Variants in CCDC93 observed in about 807,000 individuals in gnomAD.
CCDC93 encodes coiled-coil domain-containing protein 93.
A neutral mutation model predicts 108.2 loss-of-function variants in CCDC93; 61 were observed. That is an observed-to-expected ratio of 0.56 (90% CI 0.46 to 0.70). The LOEUF is 0.70. Among genes scored for constraint, CCDC93 ranks in the 30% least tolerant of loss-of-function variants. The pLI, the probability that CCDC93 is intolerant of heterozygous loss-of-function variation, is 0.00. For missense variants in CCDC93, 685 were observed against 764.2 expected, an observed-to-expected ratio of 0.90 and a Z score of 1.22; for synonymous variants, 276 against 260.4, an observed-to-expected ratio of 1.06 and a Z score of -0.58.
intron 12 of CCDC93, 115 bp downstream of exon 12, chr2:117,958,250 C>G: frequency 1.5e-6 from 1 of 670,050 alleles, no homozygotes; most frequent in Non-Finnish European, 2.7e-6. Flanking sequence ...TTTACAAAAA[C>G]AAGTGGCAAC....
intron 4 of CCDC93, chr2:117,999,063 T>C (rs1283313795): frequency 6.6e-6 from 1 of 152,212 alleles, no homozygotes; most frequent in African/African-American, 2.4e-5. Flanking sequence ...TTCAACTAAG[T>C]GCTTTAGACA....
rs747842248 is a variant in CCDC93 at position 117,981,061 on chromosome 2, T to C, written c.621-3031A>G. Among the ~76,000 whole-genome samples the C allele has an allele frequency of 1.4e-4, 21 of 152,330 alleles. No individual in the cohort carries two copies. In the Middle Eastern group the frequency reaches 0.021, roughly 149 times the overall value. On this transcript the variant is annotated intron_variant, in intron 7 of 23. Transcript: ENST00000376300. ...CATTTTATGGCTGAATAATATCCCA[T>C]TATATGAGTAAGCCACATTTTGTTT...
intron 15 of CCDC93, among the ~76,000 whole-genome samples, chr2:117,947,853 C>T (rs892911593): frequency 6.6e-6 from 1 of 152,110 alleles, no homozygotes; most frequent in Non-Finnish European, 1.5e-5. Context: ...GCCACCACGC[C>T]CAGCTAATTT....
chr2:118,011,802 A>G (rs1677028392), intron 1 of CCDC93, among the ~76,000 whole-genome samples: 1 of 152,200 alleles, frequency 6.6e-6, no homozygotes. Flanking sequence ...TACTTTTGCA[A>G]TATAACTTGT....
chr2:117,935,600 G>A (rs374383579), intron 21 of CCDC93, 21 bp from the exon 22 acceptor site: 91 of 1,569,342 alleles, frequency 5.8e-5, no homozygotes, highest in Non-Finnish European at 7.6e-5. Flanking sequence ...AACCAGTAGA[G>A]TTATGACCGG....
intron 23 of CCDC93, among the ~76,000 whole-genome samples, chr2:117,924,485 C>A (rs1573456735): frequency 1.3e-5 from 2 of 152,164 alleles, no homozygotes; most frequent in Non-Finnish European, 2.9e-5. Flanking sequence ...GATGAATGCA[C>A]AAGCCTCAGT....
intron 1 of CCDC93, among the ~76,000 whole-genome samples, chr2:118,013,249 C>T (rs757952979): frequency 6.6e-6 from 1 of 152,246 alleles, no homozygotes; most frequent in South Asian, 2.1e-4. Flanking sequence ...TAACAAACAC[C>T]TTTGGAAAAG....
intron 3 of CCDC93, 62 bp downstream of exon 3, chr2:118,006,660 A>C (rs1342053113): frequency 4.2e-5 from 38 of 897,186 alleles, no homozygotes; most frequent in Non-Finnish European, 3.7e-6. Flanking sequence ...TCTGGCACAC[A>C]GTAGACACTC....
chr2:117,985,241 G>A (rs886248134), intron 7 of CCDC93: 1 of 152,392 alleles, frequency 6.6e-6, no homozygotes, highest in East Asian at 1.9e-4. Flanking sequence ...GTACCCTAGA[G>A]GGCAGGCAAA....
At chr2:117,964,790 TA>T (rs1462965470) in intron 11 of CCDC93, among the ~76,000 whole-genome samples, 37 of 152,128 alleles carry the variant, frequency 2.4e-4, no homozygotes, top group African/African-American at 8.9e-4. Context: ...TTTGTAGAGA[TA>T]GGGGTCTCAC....
chr2:117,991,421 G>A (rs1245556306), intron 6 of CCDC93, among the ~76,000 whole-genome samples: 2 of 152,286 alleles, frequency 1.3e-5, no homozygotes, highest in African/African-American at 4.8e-5. Flanking sequence ...GGAATATGTG[G>A]GAAAGCAGAG....
At chr2:117,983,034 T>TC (rs1449209516) in intron 7 of CCDC93, among the ~76,000 whole-genome samples, 1 of 152,182 alleles carries the variant, frequency 6.6e-6, no homozygotes, top group Non-Finnish European at 1.5e-5. Context: ...CAGGGTTTTT[T>TC]CTCTTATCTA....
At chr2:117,961,597 A>T (rs1321973026) in intron 11 of CCDC93, among the ~76,000 whole-genome samples, 1 of 152,178 alleles carries the variant, frequency 6.6e-6, no homozygotes, top group African/African-American at 2.4e-5. Flanking sequence ...AGCAATCTAA[A>T]TTTTTTGTTT....
rs991261860 is a variant in CCDC93 at position 117,918,061 on chromosome 2, C to G, written c.*2282G>C. ...ACTATGTCTGTCTAAGCACACAGAG[C>G]CATAGCCCTGGGAAGATGACCCCTT... On this transcript the variant is annotated 3_prime_UTR_variant, in exon 24 of 24. Transcript: ENST00000376300. 2.0e-5 allele frequency: 3 copies of G among 152,190 alleles called. No individual in the cohort carries two copies. The highest frequency in any genetic ancestry group is 2.9e-5 in the Non-Finnish European group (2 of 68,052). 9.4% of individuals were successfully genotyped at this position (152,190 alleles called of 1,614,324 possible).
intron 23 of CCDC93, among the ~76,000 whole-genome samples, chr2:117,923,467 T>C (rs529942987): frequency 1.3e-5 from 2 of 152,306 alleles, no homozygotes; most frequent in South Asian, 4.1e-4. Context: ...CAGCAGATTA[T>C]ATCCCGCGCC....
Position 117,915,751 on chromosome 2 carries a change from T to A in CCDC93, c.*4592A>T, listed in dbSNP as rs1470391971. 1 of 152,156 alleles carries A rather than the reference T, an allele frequency of 6.6e-6. No individual in the cohort carries two copies. The highest frequency in any genetic ancestry group is 1.5e-5 in the Non-Finnish European group (1 of 68,032). 9.4% of individuals were successfully genotyped at this position (152,156 alleles called of 1,614,324 possible). A position where few individuals can be genotyped will look rare whatever the true frequency, so the allele number is the denominator to read the frequency against. ...GGCATATGCAGGTGGACATATGATA[T>A]ACACGTGTATACGTCTGTGTGAAAA... On this transcript the variant is annotated 3_prime_UTR_variant, in exon 24 of 24. Coordinates refer to ENST00000376300, the MANE Select transcript of CCDC93 (RefSeq NM_019044.5).
intron 8 of CCDC93, among the ~76,000 whole-genome samples, chr2:117,977,304 G>T (rs4849649): frequency 0.97 from 147,565 of 152,222 alleles, 71,715 homozygotes; most frequent in Middle Eastern, 1. Context: ...TTAGAGCTAT[G>T]TGACCTTGGA....
intron 22 of CCDC93, among the ~76,000 whole-genome samples, chr2:117,933,267 T>C (rs1330301247): frequency 6.6e-6 from 1 of 152,200 alleles, no homozygotes; most frequent in Non-Finnish European, 1.5e-5. Context: ...ATAAAGACCA[T>C]TTTTCTTCTC....
intron 13 of CCDC93, chr2:117,951,452 T>A (rs1679053989): frequency 1.0e-6 from 1 of 985,784 alleles, no homozygotes; most frequent in Admixed American, 6.1e-5. Flanking sequence ...CAGGTTTACA[T>A]CAAGGTGGCA....
Sources: allele counts gnomAD v4.1 joint callset (sites outside exome capture counted in the v4.1 genomes callset), GRCh38; gene constraint gnomAD v4.1.1; transcripts MANE v1.5; gene names NCBI Gene and HGNC (gene_info 2026-07-23, HGNC 2026-07-21).